The following CARMIL3 variants were observed in gnomAD, a reference collection of about 807,000 sequenced individuals.
The protein encoded by CARMIL3 is capping protein regulator and myosin 1 linker 3.
In CARMIL3, 88 loss-of-function variants were observed where a neutral mutation model predicts 180.8. That is an observed-to-expected ratio of 0.49 (90% CI 0.41 to 0.58). CARMIL3 has a LOEUF of 0.58. CARMIL3 is among the 20% of genes least tolerant of loss of function. CARMIL3 has a pLI of 0.00. For missense variants in CARMIL3, 1,548 were observed against 1,787.0 expected (o/e 0.87, Z 2.41); for synonymous variants, 696 against 714.5 (o/e 0.97, Z 0.41).
intron 24 of CARMIL3, 69 bp from the exon 25 acceptor site, chr14:24,060,555 ACTGT>A (rs2035722236): frequency 1.3e-6 from 2 of 1,569,756 alleles, no homozygotes; most frequent in Non-Finnish European, 1.7e-6. Flanking sequence ...CACCAGTAGC[ACTGT>A]CTAAGGGGTC....
chr14:24,068,549 CT>C, intron 36 of CARMIL3, 34 bp from the exon 37 acceptor site: 2 of 1,557,446 alleles, frequency 1.3e-6, no homozygotes, highest in Admixed American at 1.8e-5. Context: ...GCAAGAATGC[CT>C]TTTCCTGCAG....
chr14:24,059,640 A>T lies in CARMIL3; in HGVS notation c.1800-24A>T. On this transcript the variant is annotated intron_variant, in intron 21 of 39. Transcript: ENST00000342740. The surrounding 1 kb of genome is among the most constrained non-coding windows in gnomAD (Gnocchi z 6.3). ...TAGGGACCCAGGAGGAGAGGTGCCA[A>T]ACTGGTGCTTACCCTCCCCCCAGAA... 1 of 1,613,422 alleles carries T rather than the reference A, an allele frequency of 6.2e-7. No individual in the cohort carries two copies. The highest frequency in any genetic ancestry group is 1.7e-4 in the Middle Eastern group (1 of 6,060).
intron 2 of CARMIL3, 123 bp downstream of exon 2, chr14:24,053,926 G>C (rs2035644415): frequency 8.8e-7 from 1 of 1,141,056 alleles, no homozygotes; most frequent in East Asian, 2.6e-5. Context: ...GACAAAACCT[G>C]GGGGGAGGAG....
intron 36 of CARMIL3, among the ~76,000 whole-genome samples, chr14:24,067,429 G>A (rs117926301): frequency 0.019 from 2,852 of 152,346 alleles, 40 homozygotes; most frequent in East Asian, 0.078. Flanking sequence ...CACCCCCTCA[G>A]CCTCTTTCAC....
Position 24,059,952 on chromosome 14 carries a change from T to G in CARMIL3, c.1869-18T>G. On this transcript the variant is annotated intron_variant, in intron 22 of 39. Coordinates refer to ENST00000342740, the MANE Select transcript of CARMIL3 (RefSeq NM_138360.4). The surrounding 1 kb of genome is among the most constrained non-coding windows in gnomAD (Gnocchi z 6.3). ...ATCCTCACCTGTTCCCACCCAGCTG[T>G]GCCCCTGTGTCCCACAGCAACCACA... is the stretch of plus-strand genomic sequence containing the variant. The G allele has an allele frequency of 3.7e-6, 6 of 1,613,254 alleles. No individual in the cohort carries two copies. The highest frequency in any genetic ancestry group is 5.1e-6 in the Non-Finnish European group (6 of 1,179,428).
rs912396585 is a variant in CARMIL3 at position 24,059,388 on chromosome 14, A to G, written c.1745A>G (p.Glu582Gly). Residue 582 changes from glutamate (E) to glycine (G), a missense_variant, in exon 21 of 40, where the codon GAG (glutamate) becomes GGG (glycine). This residue lies in a region of CARMIL3 where 297 missense variants were observed against 415.9 expected (regional missense o/e 0.71). Transcript: ENST00000342740. This position sits in a 1 kb window ranked among gnomAD's most constrained non-coding sequence, Gnocchi z 6.3. ...AKVDLSGNGMEDIGAKMLSKA... is the reference protein window; with the variant it reads ...AKVDLSGNGMGDIGAKMLSKA... ...GTGGATCTGAGCGGCAATGGCATGGAGGACATCGGGGCCAAGATGCTGTCT... is the reference window on the plus strand; with the variant it reads ...GTGGATCTGAGCGGCAATGGCATGGGGGACATCGGGGCCAAGATGCTGTCT... 3.7e-6 allele frequency: 6 copies of G among 1,610,042 alleles called. No homozygotes were observed. Among genetic ancestry groups the G allele is most frequent in the Non-Finnish European group, 5.1e-6 (6 of 1,178,254 alleles).
In CARMIL3 at chr14:24,061,644, G is replaced by A. The variant is rs751952293; in HGVS notation, c.2452G>A (p.Ala818Thr). ...CATCCGAGGGGCACTGCTGGAGCAA[G>A]CAGGACAGGACATTCAGAACAAGCT... ...NFIRGALLEQAGQDIQNKLDE... is the reference protein window; with the variant it reads ...NFIRGALLEQTGQDIQNKLDE... The change falls in exon 27 of 40, where the codon GCA (alanine) becomes ACA (threonine). Residue 818 changes from alanine (A) to threonine (T), a missense_variant. This residue lies in a region of CARMIL3 where 297 missense variants were observed against 415.9 expected (regional missense o/e 0.71). Transcript: ENST00000342740. This position sits in a 1 kb window ranked among gnomAD's most constrained non-coding sequence, Gnocchi z 4.1. 1 of 1,613,878 alleles carries A rather than the reference G, an allele frequency of 6.2e-7. No individual in the cohort carries two copies. The highest frequency in any genetic ancestry group is 8.5e-7 in the Non-Finnish European group (1 of 1,179,990).
chr14:24,063,041 G>A (rs921991509), intron 29 of CARMIL3, 79 bp from the exon 30 acceptor site: 42 of 1,576,624 alleles, frequency 2.7e-5, no homozygotes, highest in Non-Finnish European at 3.4e-5. Context: ...GGGGCAGGAT[G>A]GGCTCAAATA....
At chr14:24,062,061 C>G in intron 27 of CARMIL3, 1 of 308,352 alleles carries the variant, frequency 3.2e-6, no homozygotes, top group Non-Finnish European at 6.0e-6. Context: ...GGTGCCACCA[C>G]TCACCAAACC....
intron 2 of CARMIL3, 93 bp from the exon 3 acceptor site, chr14:24,053,995 C>T: frequency 2.1e-6 from 3 of 1,427,474 alleles, no homozygotes; most frequent in Non-Finnish European, 2.9e-6. Context: ...GTTGGGGAGA[C>T]ACTCCAAGAG....
At chr14:24,060,804 G>A in intron 25 of CARMIL3, 48 bp downstream of exon 25, 1 of 1,597,632 alleles carries the variant, frequency 6.3e-7, no homozygotes, top group Non-Finnish European at 8.5e-7. Context: ...GAGAACCCAA[G>A]AAGGCCGACC....
rs1276569140 is a variant in CARMIL3 at position 24,061,638 on chromosome 14, G to T, written c.2446G>T (p.Glu816Ter). Reference sequence around the variant, plus strand: ...GAACTTCATCCGAGGGGCACTGCTGGAGCAAGCAGGACAGGACATTCAGAA... The same window carrying T: ...GAACTTCATCCGAGGGGCACTGCTGTAGCAAGCAGGACAGGACATTCAGAA... ...PRNFIRGALL[E>*]QAGQDIQNKL... Residue 816 changes from glutamate (E) to a stop codon, truncating the protein, a stop_gained, in exon 27 of 40, where the codon GAG becomes TAG. Transcript: ENST00000342740. LOFTEE classifies it high-confidence loss of function. This position sits in a 1 kb window ranked among gnomAD's most constrained non-coding sequence, Gnocchi z 4.1. 2 of 1,613,800 alleles carry T rather than the reference G, an allele frequency of 1.2e-6. No homozygotes were observed. The highest frequency in any genetic ancestry group is 1.7e-6 in the Non-Finnish European group (2 of 1,180,012).
chr14:24,059,831 A>G lies in CARMIL3; in HGVS notation c.1868+99A>G, dbSNP rs1317428275. The G allele has an allele frequency of 2.1e-5, 32 of 1,536,606 alleles. No homozygotes were observed. Among genetic ancestry groups the G allele is most frequent in the Non-Finnish European group, 3.6e-6 (4 of 1,111,970 alleles). ...TGCCCCACCCTAGCCCCTTTGACCT[A>G]TTTGCACAGAAATTTTAGGAAGGGC... On this transcript the variant is annotated intron_variant, in intron 22 of 39. Transcript: ENST00000342740. This position sits in a 1 kb window ranked among gnomAD's most constrained non-coding sequence, Gnocchi z 6.3.
chr14:24,066,343 C>T (rs986662609), intron 34 of CARMIL3, 55 bp from the exon 35 acceptor site: 199 of 1,588,436 alleles, frequency 1.3e-4, no homozygotes, highest in Non-Finnish European at 1.6e-4. Context: ...CCTTTGTCAG[C>T]TGCAGTCCTG....
At position 24,068,710 on chromosome 14, in the gene CARMIL3, C is replaced by T; in HGVS notation, c.3801+8C>T. 1.9e-6 allele frequency: 3 copies of T among 1,613,140 alleles called. No individual in the cohort carries two copies. Among genetic ancestry groups the T allele is most frequent in the Non-Finnish European group, 2.5e-6 (3 of 1,179,442 alleles). On this transcript the variant is annotated splice_region_variant and intron_variant, in intron 37 of 39. Coordinates refer to ENST00000342740, the MANE Select transcript of CARMIL3 (RefSeq NM_138360.4). The stretch of plus-strand genomic sequence containing the variant: ...CCAGCTAGGAATGCCAAGGTGAGAG[C>T]TGGCAAGATGGGTGGGGGAGGCACT...
rs2035678813 is a variant in CARMIL3 at position 24,057,020 on chromosome 14, C to G, written c.1058C>G (p.Ala353Gly). 1 of 1,612,854 alleles carries G rather than the reference C, an allele frequency of 6.2e-7. No homozygotes were observed. The highest frequency in any genetic ancestry group is 8.5e-7 in the Non-Finnish European group (1 of 1,179,298). The change falls in exon 13 of 40, where the codon GCC (alanine) becomes GGC (glycine). Residue 353 changes from alanine (A) to glycine (G), a missense_variant. Around this residue, in one of 4 missense-constraint regions of CARMIL3, gnomAD observed 578 missense variants for 666.5 expected, o/e 0.87. Transcript: ENST00000342740. Reference protein sequence around the residue: ...KNPGLLATDEANALYSFLAQP... With the variant: ...KNPGLLATDEGNALYSFLAQP... Reference sequence around the variant, plus strand: ...CCTGGGCTCCTCGCCACGGATGAGGCCAATGTGAGTCCTCAGAACAGCCTC... The same window carrying G: ...CCTGGGCTCCTCGCCACGGATGAGGGCAATGTGAGTCCTCAGAACAGCCTC...
chr14:24,057,921 C>T, intron 15 of CARMIL3, 39 bp from the exon 16 acceptor site: 1 of 1,613,118 alleles, frequency 6.2e-7, no homozygotes, highest in Non-Finnish European at 8.5e-7. Context: ...AAGACATGGC[C>T]AACCCCCTCC....
At chr14:24,065,365 C>T in intron 33 of CARMIL3, 92 bp downstream of exon 33, 1 of 1,258,968 alleles carries the variant, frequency 7.9e-7, no homozygotes, top group Non-Finnish European at 1.1e-6. Context: ...TGGGAGAATG[C>T]TAGGACCCAG....
Position 24,056,981 on chromosome 14 carries a change from A to C in CARMIL3, c.1019A>C (p.Asp340Ala). 6.2e-7 allele frequency: 1 copy of C among 1,614,054 alleles called. No homozygotes were observed. Among genetic ancestry groups the C allele is most frequent in the Non-Finnish European group, 8.5e-7 (1 of 1,179,960 alleles). Residue 340 changes from aspartate (D) to alanine (A), a missense_variant, in exon 13 of 40, where the codon GAC becomes GCC. Physicochemically the swap from Asp to Ala is moderately radical, Grantham distance 126. Transcript: ENST00000342740. ...PAFASSLRYL[D>A]LSKNPGLLAT... ...TTTGCCAGCTCCCTTCGATACCTGG[A>C]CCTGAGCAAGAATCCTGGGCTCCTC... is the stretch of plus-strand genomic sequence containing the variant.
Sources: gnomAD v4.1 joint callset for allele counts (sites outside exome capture counted in the v4.1 genomes callset) on GRCh38, gnomAD v4.1.1 for gene constraint, gnomAD v4.1.1 regional missense constraint, Gnocchi (gnomAD v3.1) non-coding constraint, MANE v1.5 for transcripts, NCBI Gene and HGNC (gene_info 2026-07-23, HGNC 2026-07-21) for gene names.